Variants in HUWE1 observed in about 807,000 individuals in gnomAD.
HUWE1 encodes HECT, UBA and WWE domain containing E3 ubiquitin protein ligase 1.
HUWE1 carries 18 observed loss-of-function variants against 299.4 expected under a neutral mutation model. The ratio of observed to expected loss-of-function variants is 0.06; its 90% CI spans 0.04 to 0.09. The LOEUF (loss-of-function observed/expected upper bound fraction) is 0.09. Ranked by LOEUF, HUWE1 falls within the 10% of genes least tolerant of loss-of-function variation. The pLI is 1.00. For synonymous variants in HUWE1, 1,317 were observed against 1,286.1 expected (o/e 1.02, Z -0.51); for missense variants, 1,832 against 3,462.3 (o/e 0.53, Z 11.82).
intron 73 of HUWE1, chrX:53,542,866 T>C: frequency 5.3e-6 from 1 of 187,324 alleles, no homozygotes; most frequent in Non-Finnish European, 9.7e-6. Flanking sequence ...TGTGTGTGTG[T>C]GTGTGTGTGT....
At chrX:53,683,845 T>TGGGGGGGGGGGGGGGGGGGGGGGGGGG in intron 2 of HUWE1, 1 of 191,732 alleles carries the variant, frequency 5.2e-6, no homozygotes, top group Non-Finnish European at 9.6e-6. Flanking sequence ...CCCTAGTCAC[T>TGGGGGGGGGGGGGGGGGGGGGGGGGGG]GCCCCCCCAC....
intron 7 of HUWE1, among the ~76,000 whole-genome samples, chrX:53,642,006 T>C (rs2067623318): frequency 9.0e-6 from 1 of 111,390 alleles, no homozygotes; most frequent in Non-Finnish European, 1.9e-5. Flanking sequence ...CCCTATATAA[T>C]ACACCCACAC....
chrX:53,567,146 C>T (rs183487384), intron 49 of HUWE1, among the ~76,000 whole-genome samples: 106 of 111,707 alleles, frequency 9.5e-4, no homozygotes, highest in Admixed American at 9.3e-3. Context: ...TGATCAAGTA[C>T]TTAGAGGTAA....
chrX:53,676,846 AT>A (rs1273011319), intron 3 of HUWE1, among the ~76,000 whole-genome samples: 1 of 111,965 alleles, frequency 8.9e-6, no homozygotes, highest in Non-Finnish European at 1.9e-5. Flanking sequence ...CAGGGGACCA[AT>A]TCATCATCTT....
rs1556957153 is a variant in HUWE1, at chrX:53,575,177, T to C, written c.6075A>G (p.Ala2025=). Residue 2025 remains alanine (A), a synonymous_variant, in exon 46 of 84, where the codon GCA becomes GCG. Transcript: ENST00000262854. ...AADGASTETS[A]SGTSQGEAST... is the part of the protein sequence containing the mutation. ...TACCCTCTCCTTGGGAGGTCCCAGATGCGGAAGTCTCAGTGGAGGCACCAT... is the reference window on the plus strand; with the variant it reads ...TACCCTCTCCTTGGGAGGTCCCAGACGCGGAAGTCTCAGTGGAGGCACCAT... The C allele has an allele frequency of 1.7e-6, 2 of 1,205,162 alleles. No individual in the cohort carries two copies. Among genetic ancestry groups the C allele is most frequent in the Non-Finnish European group, 2.2e-6 (2 of 890,121 alleles).
At chrX:53,562,772 T>C in intron 53 of HUWE1, 59 bp downstream of exon 53, 1 of 931,130 alleles carries the variant, frequency 1.1e-6, no homozygotes, top group Non-Finnish European at 1.6e-6. Context: ...AACCCTAGTG[T>C]AGTGTCTGTC....
chrX:53,546,138 G>A (rs1199502353), intron 70 of HUWE1, among the ~76,000 whole-genome samples: 2 of 111,434 alleles, frequency 1.8e-5, no homozygotes, highest in African/African-American at 6.5e-5. Context: ...TGCCCAGCAT[G>A]GAGAAGAAAG....
At chrX:53,535,793 G>A (rs782539499) in intron 80 of HUWE1, 41 of 384,813 alleles carry the variant, frequency 1.1e-4, no homozygotes, top group Middle Eastern at 7.4e-4. Flanking sequence ...CATATGTAAC[G>A]GAATGTAATC....
At chrX:53,585,745 G>A (rs1216486146) in intron 39 of HUWE1, among the ~76,000 whole-genome samples, 2 of 111,872 alleles carry the variant, frequency 1.8e-5, no homozygotes, top group African/African-American at 3.3e-5. Context: ...GCAGTGACGC[G>A]ATGCCGGCTC....
intron 23 of HUWE1, among the ~76,000 whole-genome samples, chrX:53,613,943 A>T (rs897782603): frequency 2.7e-4 from 30 of 112,099 alleles, no homozygotes; most frequent in African/African-American, 9.4e-4. Context: ...CCAAATTCTG[A>T]TTCAATTTCA....
intron 25 of HUWE1, 21 bp from the exon 26 acceptor site, chrX:53,604,855 A>G: frequency 8.4e-7 from 1 of 1,187,252 alleles, no homozygotes; most frequent in African/African-American, 1.7e-5. Flanking sequence ...AAGAATAATT[A>G]AAGTGTTAAT....
At chrX:53,650,010 G>A (rs1487641575) in intron 4 of HUWE1, among the ~76,000 whole-genome samples, 4 of 111,783 alleles carry the variant, frequency 3.6e-5, no homozygotes, top group African/African-American at 1.3e-4. Context: ...CTTGCCAAAA[G>A]CACAACATGG....
At chrX:53,660,922 GA>G (rs1323622018) in intron 3 of HUWE1, among the ~76,000 whole-genome samples, 2 of 110,956 alleles carry the variant, frequency 1.8e-5, no homozygotes, top group East Asian at 5.6e-4. Context: ...TTTACAGATA[GA>G]AAACTGAAGT....
rs140158859 is a variant in HUWE1 at position 53,552,551 on chromosome X, A to G, written c.8750+87T>C. On this transcript the variant is annotated intron_variant, in intron 62 of 83. Transcript: ENST00000262854. ...ACCAGCTTTATCTCCCCAGCATAACAAGCATGTCCATTAGTTGACGAGTAT... is the reference window on the plus strand; with the variant it reads ...ACCAGCTTTATCTCCCCAGCATAACGAGCATGTCCATTAGTTGACGAGTAT... The G allele has an allele frequency of 4.6e-4, 551 of 1,199,186 alleles. 6 individuals are homozygous for G. In the East Asian group the frequency reaches 0.012, roughly 26 times the overall value.
chrX:53,629,797 A>C (rs1380029911), intron 12 of HUWE1, among the ~76,000 whole-genome samples, 181 bp from the exon 13 acceptor site: 1 of 112,251 alleles, frequency 8.9e-6, no homozygotes, highest in African/African-American at 3.2e-5. Context: ...GATAATCTCT[A>C]AACAGACACT....
chrX:53,562,121 T>C lies in HUWE1; in HGVS notation c.7328A>G (p.Glu2443Gly). 1 of 1,201,979 alleles carries C rather than the reference T, an allele frequency of 8.3e-7. No individual in the cohort carries two copies. The highest frequency in any genetic ancestry group is 1.1e-6 in the Non-Finnish European group (1 of 886,985). The change falls in exon 54 of 84, where the codon GAA becomes GGA. Residue 2443 changes from glutamate to glycine, a missense_variant. Physicochemically the swap from Glu to Gly is moderately conservative, Grantham distance 98 (BLOSUM62 -2). Transcript: ENST00000262854. ...DEEEEEEEDE[E>G]DDQEDDEGEE... Reference sequence around the variant, plus strand: ...GCAGTCCCCCCTCACCTGATCATCTTCCTCATCTTCCTCCTCCTCCTCCTC... The same window carrying C: ...GCAGTCCCCCCTCACCTGATCATCTCCCTCATCTTCCTCCTCCTCCTCCTC...
chrX:53,583,972 C>A, intron 41 of HUWE1, 56 bp from the exon 42 acceptor site: 1 of 974,931 alleles, frequency 1.0e-6, no homozygotes, highest in Non-Finnish European at 1.5e-6. Context: ...TTATTTCCTC[C>A]CACGCCTCCC....
At chrX:53,665,845 AAG>A (rs2149475196) in intron 3 of HUWE1, among the ~76,000 whole-genome samples, 1 of 112,049 alleles carries the variant, frequency 8.9e-6, no homozygotes, top group South Asian at 3.7e-4. Flanking sequence ...TCTACACCTT[AAG>A]AATTGTCAGT....
intron 12 of HUWE1, among the ~76,000 whole-genome samples, chrX:53,630,420 A>G (rs2066798007): frequency 8.9e-6 from 1 of 111,848 alleles, no homozygotes; most frequent in African/African-American, 3.2e-5. Context: ...TATTAAACGA[A>G]TAAGCTGAGG....
Sources: gnomAD v4.1 joint callset for allele counts (sites outside exome capture counted in the v4.1 genomes callset) on GRCh38, gnomAD v4.1.1 for gene constraint, MANE v1.5 for transcripts, NCBI Gene and HGNC (gene_info 2026-07-23, HGNC 2026-07-21) for gene names.